KLF12: variants seen among roughly 807,000 people sequenced by gnomAD.
KLF12 encodes KLF transcription factor 12, also known as Krueppel-like factor 12.
A neutral mutation model predicts 37.8 loss-of-function variants in KLF12; 9 were observed. The ratio of observed to expected loss-of-function variants is 0.24; its 90% confidence interval spans 0.14 to 0.42. The LOEUF (loss-of-function observed/expected upper bound fraction) is 0.42. Among genes scored for constraint, KLF12 ranks in the 10% least tolerant of loss-of-function variants. The probability of loss-of-function intolerance (pLI) is 1.00; values close to 1 mark genes in which losing one functional copy is unlikely to be tolerated. For synonymous variants in KLF12, 208 were observed against 202.1 expected (o/e 1.03, Z -0.25); for missense variants, 411 against 516.0 (o/e 0.80, Z 1.97).
At chr13:74,189,193 G>A in the KLF12 span, among the ~76,000 whole-genome samples, 1 of 152,104 alleles carries the variant, frequency 6.6e-6, no homozygotes, top group East Asian at 1.9e-4. Flanking sequence ...AACACATTTT[G>A]GAAAAAATGT....
chr13:73,933,978 T>C (rs1427993248), intron 3 of KLF12, among the ~76,000 whole-genome samples: 1 of 152,176 alleles, frequency 6.6e-6, no homozygotes, highest in Non-Finnish European at 1.5e-5. Flanking sequence ...TGAAACTCTA[T>C]ACTCACAGGA....
intron 1 of KLF12, among the ~76,000 whole-genome samples, chr13:74,063,395 C>A (rs1873725413): frequency 6.6e-6 from 1 of 150,788 alleles, no homozygotes. Flanking sequence ...ACTATTATTT[C>A]CTATGCTAAC....
In KLF12 at chr13:73,693,297, T is replaced by A. The variant is rs1001412787; in HGVS notation, c.*2193A>T. Reference sequence around the variant, plus strand: ...GGTCACAGGCAATGTGAAGTAGGAGTTGCATATAGTACAAAAAAACTTTCC... The same window carrying A: ...GGTCACAGGCAATGTGAAGTAGGAGATGCATATAGTACAAAAAAACTTTCC... On this transcript the variant is annotated 3_prime_UTR_variant, in exon 8 of 8. Transcript: ENST00000377669. 2 of 151,660 alleles carry A rather than the reference T, an allele frequency of 1.3e-5. No homozygotes were observed. Among genetic ancestry groups the A allele is most frequent in the African/African-American group, 4.9e-5 (2 of 41,216 alleles). 9.4% of individuals were successfully genotyped at this position (151,660 alleles called of 1,614,324 possible).
the KLF12 span, among the ~76,000 whole-genome samples, chr13:74,262,846 T>C: frequency 6.6e-6 from 1 of 151,834 alleles, no homozygotes; most frequent in Non-Finnish European, 1.5e-5. Flanking sequence ...TATATGTATG[T>C]ACACACATAT....
chr13:74,152,809 G>C, the KLF12 span, among the ~76,000 whole-genome samples: 2 of 151,494 alleles, frequency 1.3e-5, no homozygotes, highest in African/African-American at 4.8e-5. Flanking sequence ...GCTTGAGCCC[G>C]GGGAGTCGAG....
intron 6 of KLF12, among the ~76,000 whole-genome samples, chr13:73,752,811 G>C (rs9543444): frequency 0.94 from 142,348 of 150,714 alleles, 67,758 homozygotes; most frequent in East Asian, 1. Flanking sequence ...CTGCCTCCCG[G>C]GTTCAAGCAA....
chr13:74,136,021 T>C, upstream of KLF12, among the ~76,000 whole-genome samples: 1 of 151,982 alleles, frequency 6.6e-6, no homozygotes, highest in Admixed American at 6.6e-5. Context: ...ATGGGATGGG[T>C]GGTCCAACCT....
At chr13:74,165,374 C>T in the KLF12 span, among the ~76,000 whole-genome samples, 4 of 146,582 alleles carry the variant, frequency 2.7e-5, no homozygotes, top group Admixed American at 7.0e-5. Context: ...AATCTTGACT[C>T]ACTGCAGCCT....
chr13:73,833,400 C>T (rs533084094), intron 4 of KLF12, among the ~76,000 whole-genome samples: 1 of 152,236 alleles, frequency 6.6e-6, no homozygotes, highest in African/African-American at 2.4e-5. Flanking sequence ...ATATTAAGTG[C>T]TACAAAATAA....
At chr13:74,068,944 T>C (rs1256104801) in intron 1 of KLF12, among the ~76,000 whole-genome samples, 1 of 152,190 alleles carries the variant, frequency 6.6e-6, no homozygotes, top group African/African-American at 2.4e-5. Context: ...GACCAACTAT[T>C]GATTCTTACT....
chr13:73,905,457 A>T (rs1888236665), intron 3 of KLF12, among the ~76,000 whole-genome samples: 1 of 151,964 alleles, frequency 6.6e-6, no homozygotes, highest in Non-Finnish European at 1.5e-5. Context: ...TTCAGAGTGA[A>T]CCCAACATAT....
the KLF12 span, among the ~76,000 whole-genome samples, chr13:74,278,124 G>A: frequency 5.3e-4 from 80 of 152,210 alleles, no homozygotes; most frequent in African/African-American, 1.8e-3. Flanking sequence ...TCTTTGAGAC[G>A]TCCACCACCT....
At chr13:73,746,939 C>A (rs565216349) in intron 6 of KLF12, among the ~76,000 whole-genome samples, 17 of 151,574 alleles carry the variant, frequency 1.1e-4, no homozygotes, top group Non-Finnish European at 1.5e-5. Context: ...CTCAGTCTCC[C>A]AATTAGCTGA....
the KLF12 span, among the ~76,000 whole-genome samples, chr13:74,173,571 A>G: frequency 2.0e-5 from 3 of 152,220 alleles, no homozygotes; most frequent in African/African-American, 7.2e-5. Flanking sequence ...TAAACTTAAA[A>G]TATGTGTGTT....
chr13:74,027,263 T>C (rs1892998589), intron 1 of KLF12, among the ~76,000 whole-genome samples: 1 of 150,658 alleles, frequency 6.6e-6, no homozygotes, highest in African/African-American at 2.4e-5. Flanking sequence ...ACTTCTTTCA[T>C]ATCTCCATGT....
chr13:74,294,518 G>A, the KLF12 span, among the ~76,000 whole-genome samples: 236 of 152,008 alleles, frequency 1.6e-3, no homozygotes, highest in African/African-American at 5.1e-3. Flanking sequence ...ACAGGCACGC[G>A]CCACCATGCC....
chr13:73,852,933 G>A (rs1002651097), intron 3 of KLF12, among the ~76,000 whole-genome samples: 10 of 148,160 alleles, frequency 6.7e-5, no homozygotes, highest in Non-Finnish European at 1.5e-4. Flanking sequence ...GCAGTGGCGC[G>A]ATCTCAGCTC....
Position 73,807,110 on chromosome 13 carries a change from C to T in KLF12, c.806+6042G>A, listed in dbSNP as rs374582221. On this transcript the variant is annotated intron_variant, in intron 5 of 7. Transcript: ENST00000377669. ...ATCACCTGAGGCCAGGAGTTCGAGACTAGCCTGGCCAACATGGTAAAACCC... is the reference window on the plus strand; with the variant it reads ...ATCACCTGAGGCCAGGAGTTCGAGATTAGCCTGGCCAACATGGTAAAACCC... Among the ~76,000 whole-genome samples the T allele has an allele frequency of 6.0e-4, 91 of 152,230 alleles. 2 individuals are homozygous for T. In the South Asian group the frequency reaches 0.017, roughly 29 times the overall value.
chr13:74,011,168 C>T (rs1892540904), intron 1 of KLF12, among the ~76,000 whole-genome samples: 1 of 151,642 alleles, frequency 6.6e-6, no homozygotes, highest in African/African-American at 2.4e-5. Context: ...CTCCTTCCTC[C>T]CCTTTCCAAT....
Sources: gnomAD v4.1 joint callset for allele counts (sites outside exome capture counted in the v4.1 genomes callset) on GRCh38, gnomAD v4.1.1 for gene constraint, MANE v1.5 for transcripts, NCBI Gene and HGNC (gene_info 2026-07-23, HGNC 2026-07-21) for gene names.